The following PPP4R4 variants were observed in gnomAD, a reference collection of about 807,000 sequenced individuals.
PPP4R4 encodes the protein serine/threonine-protein phosphatase 4 regulatory subunit 4.
PPP4R4 carries 70 observed loss-of-function variants against 121.8 expected under a neutral mutation model. That is an observed-to-expected ratio of 0.57 (90% CI 0.47 to 0.70). The LOEUF (loss-of-function observed/expected upper bound fraction) is 0.70, where lower values mean the gene tolerates loss of function less well. Ranked by LOEUF, PPP4R4 falls within the 30% of genes least tolerant of loss-of-function variation. The pLI is 0.00. For missense variants in PPP4R4, 875 were observed against 1,033.6 expected, an observed-to-expected ratio of 0.85 and a Z score of 2.10; for synonymous variants, 348 against 355.7, an observed-to-expected ratio of 0.98 and a Z score of 0.24.
At chr14:94,191,161 A>G (rs1889579682) in intron 2 of PPP4R4, among the ~76,000 whole-genome samples, 2 of 152,182 alleles carry the variant, frequency 1.3e-5, no homozygotes, top group African/African-American at 4.8e-5. Flanking sequence ...TTTTCACTCC[A>G]GAACAATTGG....
chr14:94,233,510 A>C (rs1892165418), intron 5 of PPP4R4, 143 bp from the exon 6 acceptor site: 4 of 586,684 alleles, frequency 6.8e-6, no homozygotes, highest in Non-Finnish European at 1.2e-5. Flanking sequence ...AGATAATCCA[A>C]GTTATTGAGT....
chr14:94,230,808 A>C (rs768881828), intron 4 of PPP4R4, 74 bp downstream of exon 4: 16 of 1,447,996 alleles, frequency 1.1e-5, no homozygotes, highest in African/African-American at 1.4e-5. Flanking sequence ...TTATATAAAT[A>C]CTGTTAGCCT....
chr14:94,216,315 T>C (rs1335828910), intron 3 of PPP4R4, among the ~76,000 whole-genome samples: 1 of 152,014 alleles, frequency 6.6e-6, no homozygotes, highest in East Asian at 1.9e-4. Flanking sequence ...TTCTCAAGAG[T>C]AACAAACCCC....
At chr14:94,178,467 G>A (rs1188743275) in intron 2 of PPP4R4, among the ~76,000 whole-genome samples, 2 of 151,294 alleles carry the variant, frequency 1.3e-5, no homozygotes, top group African/African-American at 4.8e-5. Flanking sequence ...AAAGTCAGAT[G>A]TGTAAGCATC....
At chr14:94,256,807 T>C (rs1159129454) in intron 17 of PPP4R4, among the ~76,000 whole-genome samples, 2 of 152,190 alleles carry the variant, frequency 1.3e-5, no homozygotes, top group African/African-American at 4.8e-5. Flanking sequence ...ATTAAACCTG[T>C]ATTACTAGTA....
intron 3 of PPP4R4, among the ~76,000 whole-genome samples, chr14:94,224,370 G>C (rs899714321): frequency 6.6e-6 from 1 of 152,132 alleles, no homozygotes; most frequent in Non-Finnish European, 1.5e-5. Context: ...GGATGTAGTG[G>C]GTGAGGATCA....
intron 2 of PPP4R4, among the ~76,000 whole-genome samples, chr14:94,191,326 GT>G (rs573240332): frequency 6.9e-6 from 1 of 144,878 alleles, no homozygotes; most frequent in African/African-American, 2.6e-5. Flanking sequence ...AAGCTCATCT[GT>G]TTTTTTCAGG....
intron 1 of PPP4R4, 50 bp downstream of exon 1, chr14:94,174,632 C>G (rs1424574508): frequency 2.5e-6 from 4 of 1,594,334 alleles, no homozygotes; most frequent in Non-Finnish European, 3.4e-6. Flanking sequence ...CCGCCTGCCC[C>G]GCGCGGTCCC....
chr14:94,183,899 T>C (rs1390654192), intron 2 of PPP4R4, among the ~76,000 whole-genome samples: 1 of 151,804 alleles, frequency 6.6e-6, no homozygotes. Context: ...TAAAATAAGA[T>C]AATATATAAA....
intron 16 of PPP4R4, among the ~76,000 whole-genome samples, chr14:94,255,922 A>C (rs184078199): frequency 1.2e-3 from 189 of 152,262 alleles, no homozygotes; most frequent in Non-Finnish European, 2.4e-3. Context: ...TGCTAGTCTC[A>C]CCTTCACTCT....
At chr14:94,218,202 A>G (rs996425778) in intron 3 of PPP4R4, among the ~76,000 whole-genome samples, 1 of 152,162 alleles carries the variant, frequency 6.6e-6, no homozygotes, top group Non-Finnish European at 1.5e-5. Context: ...GATCTAATAT[A>G]TATGCAATCG....
intron 6 of PPP4R4, 148 bp from the exon 7 acceptor site, chr14:94,234,414 A>G (rs146003064): frequency 5.6e-5 from 33 of 584,510 alleles, no homozygotes; most frequent in African/African-American, 4.7e-4. Context: ...ATTTAATAAC[A>G]TGTAAAATAC....
intron 2 of PPP4R4, among the ~76,000 whole-genome samples, chr14:94,197,363 A>G (rs757873654): frequency 1.3e-5 from 2 of 152,120 alleles, no homozygotes; most frequent in African/African-American, 2.4e-5. Flanking sequence ...GGGAAATCTT[A>G]TCACGTAGTT....
chr14:94,183,567 A>G lies in PPP4R4; in HGVS notation c.191+7440A>G, dbSNP rs1595447060. Among the ~76,000 whole-genome samples the G allele has an allele frequency of 3.3e-5, 5 of 152,318 alleles. No homozygotes were observed. The South Asian group carries it at 8.3e-4, about 25-fold the overall frequency. On this transcript the variant is annotated intron_variant, in intron 2 of 24. Coordinates refer to ENST00000304338, the MANE Select transcript of PPP4R4 (RefSeq NM_058237.2). ...CTTTTGTTATGAGAACAACCATGGG[A>G]GGCATCTGTGTCTTTTTTCCTACTT...
At chr14:94,275,257 C>A in intron 23 of PPP4R4, 117 bp from the exon 24 acceptor site, 2 of 1,143,322 alleles carry the variant, frequency 1.7e-6, no homozygotes, top group Non-Finnish European at 2.5e-6. Flanking sequence ...TAAATTATAC[C>A]CTCATAAAAT....
At chr14:94,244,165 A>G (rs1292611328) in intron 11 of PPP4R4, among the ~76,000 whole-genome samples, 2 of 152,134 alleles carry the variant, frequency 1.3e-5, no homozygotes, top group South Asian at 2.1e-4. Flanking sequence ...AAAGTCTTTG[A>G]TGGGGAAAAG....
At chr14:94,205,419 G>A (rs1020486580) in intron 2 of PPP4R4, among the ~76,000 whole-genome samples, 1 of 151,870 alleles carries the variant, frequency 6.6e-6, no homozygotes, top group African/African-American at 2.4e-5. Flanking sequence ...GGTAATTCAT[G>A]TCTTGTCTTG....
intron 14 of PPP4R4, 127 bp from the exon 15 acceptor site, chr14:94,250,045 A>T: frequency 1.7e-6 from 1 of 599,908 alleles, no homozygotes; most frequent in Non-Finnish European, 3.0e-6. Flanking sequence ...GAAGGATGTA[A>T]GTTCAGTGAG....
In PPP4R4 at chr14:94,241,912, G is replaced by A. The variant is rs1475000232; in HGVS notation, c.1101G>A (p.Glu367=). 8.1e-6 allele frequency: 13 copies of A among 1,609,702 alleles called. No individual in the cohort carries two copies. The highest frequency in any genetic ancestry group is 1.1e-5 in the Non-Finnish European group (13 of 1,178,168). ...TTCCACCCCAAATCCTAGAGCAGGA[G>A]AAGAAATATATTTCAGTACGGAAGA... ...NQIPPQILEQ[E]KKYISVRKNC... The change falls in exon 10 of 25, where the codon GAG becomes GAA. Residue 367 remains glutamate (E), a synonymous_variant. Coordinates refer to ENST00000304338, the MANE Select transcript of PPP4R4 (RefSeq NM_058237.2).
Sources: allele counts gnomAD v4.1 joint callset (sites outside exome capture counted in the v4.1 genomes callset), GRCh38; gene constraint gnomAD v4.1.1; transcripts MANE v1.5; gene names NCBI Gene and HGNC (gene_info 2026-07-23, HGNC 2026-07-21).